Variants in PCDHGB1 observed in about 807,000 individuals in gnomAD.
PCDHGB1 encodes the protein protocadherin gamma subfamily B, 1, also known as protocadherin gamma-B1.
Under a neutral mutation model 56.6 loss-of-function variants are expected in PCDHGB1, and 34 were observed. The ratio of observed to expected loss-of-function variants is 0.60; its 90% CI spans 0.46 to 0.80. The LOEUF is 0.80. Ranked by LOEUF, PCDHGB1 falls within the 30% of genes least tolerant of loss-of-function variation. The pLI is 0.00. For synonymous variants in PCDHGB1, 561 were observed against 505.9 expected (o/e 1.11, Z -1.46); for missense variants, 1,278 against 1,204.6 (o/e 1.06, Z -0.90).
intron 1 of PCDHGB1, chr5:141,415,094 A>T: frequency 1.9e-6 from 3 of 1,613,530 alleles, no homozygotes; most frequent in Non-Finnish European, 2.5e-6. Flanking sequence ...CTGGACAGAG[A>T]CGCGCTCAAG....
intron 1 of PCDHGB1, among the ~76,000 whole-genome samples, chr5:141,407,684 G>C (rs2094967978): frequency 6.6e-6 from 1 of 152,094 alleles, no homozygotes; most frequent in South Asian, 2.1e-4. Flanking sequence ...GATTGGCTTT[G>C]TGGTGATCAT....
At chr5:141,382,467 A>G (rs992224398) in intron 1 of PCDHGB1, among the ~76,000 whole-genome samples, 1 of 152,262 alleles carries the variant, frequency 6.6e-6, no homozygotes, top group Non-Finnish European at 1.5e-5. Flanking sequence ...TTTTTTAAAA[A>G]TTATCTAAGA....
At chr5:141,364,906 G>A (rs1432119557) in intron 1 of PCDHGB1, 2 of 1,613,942 alleles carry the variant, frequency 1.2e-6, no homozygotes, top group Admixed American at 3.3e-5. Context: ...AAAAGTATCC[G>A]GAGCTGGTGT....
intron 1 of PCDHGB1, chr5:141,361,762 A>G (rs1184426981): frequency 6.2e-7 from 1 of 1,613,010 alleles, no homozygotes; most frequent in Non-Finnish European, 8.5e-7. Flanking sequence ...GCCCGCGCTC[A>G]GCGCCAACGT....
rs1291549829 is a variant in PCDHGB1 at position 141,351,300 on chromosome 5, C to G, written c.1040C>G (p.Ser347Cys). The G allele has an allele frequency of 6.2e-7, 1 of 1,613,856 alleles. No homozygotes were observed. ...AATGCCCCAGAGGTGACATTCATGT[C>G]CTTCTCTAACCAGATTCCAGAGGAT... ...NDNAPEVTFM[S>C]FSNQIPEDSD... Residue 347 changes from serine (S) to cysteine (C), a missense_variant, in exon 1 of 4, where the codon TCC becomes TGC. By Grantham distance (112) the Ser-to-Cys change is moderately radical. Transcript: ENST00000523390.
At chr5:141,361,570 C>T in intron 1 of PCDHGB1, 1 of 1,614,036 alleles carries the variant, frequency 6.2e-7, no homozygotes, top group Non-Finnish European at 8.5e-7. Context: ...TGCCTCTGAC[C>T]CTGACTTGGG....
chr5:141,354,470 G>C (rs1446177530), intron 1 of PCDHGB1, among the ~76,000 whole-genome samples: 1 of 152,216 alleles, frequency 6.6e-6, no homozygotes, highest in South Asian at 2.1e-4. Flanking sequence ...CATTTGTACA[G>C]GGTAAGGCTA....
At chr5:141,398,249 T>C (rs1462140853) in intron 1 of PCDHGB1, 2 of 1,470,902 alleles carry the variant, frequency 1.4e-6, no homozygotes, top group Non-Finnish European at 1.8e-6. Context: ...CCCGAGGAAA[T>C]GCCCAAGGGC....
At chr5:141,456,197 C>T (rs1353243708) in intron 1 of PCDHGB1, among the ~76,000 whole-genome samples, 1 of 152,090 alleles carries the variant, frequency 6.6e-6, no homozygotes, top group Non-Finnish European at 1.5e-5. Context: ...ATAACTCCTA[C>T]CACATTCCTC....
At chr5:141,472,998 GAAAGAA>G (rs1489589280) in intron 1 of PCDHGB1, among the ~76,000 whole-genome samples, 8 of 134,744 alleles carry the variant, frequency 5.9e-5, no homozygotes, top group South Asian at 2.3e-4. Flanking sequence ...AAAAAAAAAA[GAAAGAA>G]AAAGAAAAAG....
intron 1 of PCDHGB1, chr5:141,361,442 T>A: frequency 6.2e-7 from 1 of 1,613,990 alleles, no homozygotes. Context: ...TCCTCCAGCA[T>A]AATTGTCACC....
chr5:141,408,909 A>G lies in PCDHGB1; in HGVS notation c.2409+56240A>G, dbSNP rs746399377. On this transcript the variant is annotated intron_variant, in intron 1 of 3. Transcript: ENST00000523390. ...ATAGAAATTTCTGTCAAGGATACCA[A>G]TGATAACCCCCCGGTTTTCAGCAGA... 1.3e-5 allele frequency: 21 copies of G among 1,613,442 alleles called. No individual in the cohort carries two copies. In the East Asian group the frequency reaches 2.5e-4, roughly 19 times the overall value.
At chr5:141,355,419 G>C (rs1438563668) in intron 1 of PCDHGB1, 1 of 1,614,042 alleles carries the variant, frequency 6.2e-7, no homozygotes, top group Non-Finnish European at 8.5e-7. Context: ...GTAGGACGCA[G>C]CTTTTCGCCC....
chr5:141,426,829 A>G, intron 1 of PCDHGB1: 2 of 456,716 alleles, frequency 4.4e-6, no homozygotes, highest in South Asian at 3.1e-5. Context: ...CTGATGATGG[A>G]CAAGACTAAA....
intron 2 of PCDHGB1, among the ~76,000 whole-genome samples, chr5:141,504,802 C>G (rs370355030): frequency 6.6e-6 from 1 of 152,030 alleles, no homozygotes; most frequent in East Asian, 1.9e-4. Context: ...ACATCTCCCC[C>G]TAGGTACCTC....
chr5:141,381,093 A>T (rs1776980252), intron 1 of PCDHGB1, among the ~76,000 whole-genome samples: 1 of 152,266 alleles, frequency 6.6e-6, no homozygotes, highest in Admixed American at 6.5e-5. Flanking sequence ...AGATCAAAAC[A>T]GAATGTCCTT....
At chr5:141,438,018 G>A (rs959672278) in intron 1 of PCDHGB1, among the ~76,000 whole-genome samples, 1 of 152,082 alleles carries the variant, frequency 6.6e-6, no homozygotes, top group African/African-American at 2.4e-5. Context: ...TGAGATTACA[G>A]GTGTGAGCCA....
chr5:141,375,487 T>G, intron 1 of PCDHGB1: 1 of 1,613,830 alleles, frequency 6.2e-7, no homozygotes, highest in Non-Finnish European at 8.5e-7. Context: ...ACCCCAGGGG[T>G]GCCTCCATCT....
intron 1 of PCDHGB1, chr5:141,414,156 T>TCTC (rs1462369810): frequency 6.2e-7 from 1 of 1,601,848 alleles, no homozygotes; most frequent in Admixed American, 1.7e-5. Flanking sequence ...AAGCAGAAGA[T>TCTC]GGAGGAGCAT....
Sources: gnomAD v4.1 joint callset for allele counts (sites outside exome capture counted in the v4.1 genomes callset) on GRCh38, gnomAD v4.1.1 for gene constraint, MANE v1.5 for transcripts, NCBI Gene and HGNC (gene_info 2026-07-23, HGNC 2026-07-21) for gene names.